NEB: variants seen among roughly 807,000 people sequenced by gnomAD.
NEB encodes the protein nebulin, also known as nemaline myopathy type 2.
A neutral mutation model predicts 952.2 loss-of-function variants in NEB; 512 were observed. The ratio of observed to expected loss-of-function variants is 0.54; its 90% CI spans 0.50 to 0.58. The LOEUF is 0.58. Ranked by LOEUF, NEB falls within the 20% of genes least tolerant of loss-of-function variation. The probability of loss-of-function intolerance (pLI) is 0.00; values close to 1 mark genes in which losing one functional copy is unlikely to be tolerated. For synonymous variants in NEB, 2,900 were observed against 3,149.8 expected, an observed-to-expected ratio of 0.92 and a Z score of 2.66; for missense variants, 8,428 against 9,231.1, an observed-to-expected ratio of 0.91 and a Z score of 3.56.
At chr2:151,681,866 A>G (rs1241812200) in intron 29 of NEB, among the ~76,000 whole-genome samples, 1 of 152,192 alleles carries the variant, frequency 6.6e-6, no homozygotes, top group Non-Finnish European at 1.5e-5. Flanking sequence ...ATAATTCTTC[A>G]AAGACGATTT....
In NEB at chr2:151,516,460, C is replaced by G. The variant is rs3732309; in HGVS notation, c.22904G>C (p.Gly7635Ala). Residue 7635 changes from glycine (G) to alanine (A), a missense_variant and splice_region_variant, in exon 157 of 182, where the codon GGG (glycine) becomes GCG (alanine). Transcript: ENST00000397345. Reference sequence around the variant, plus strand: ...TGTGGTGTGGTTTTTTTGACTTACCCCACTCTGCATCTGCTGAGACTCTTT... The same window carrying G: ...TGTGGTGTGGTTTTTTTGACTTACCGCACTCTGCATCTGCTGAGACTCTTT... ...TAKESQQMQSGKEYRKDYEES... is the reference protein window; with the variant it reads ...TAKESQQMQSAKEYRKDYEES... 6.2e-7 allele frequency: 1 copy of G among 1,605,128 alleles called. No individual in the cohort carries two copies. Among genetic ancestry groups the G allele is most frequent in the Non-Finnish European group, 8.5e-7 (1 of 1,172,620 alleles).
chr2:151,733,249 T>C, intron 2 of NEB, 64 bp from the exon 3 acceptor site: 1 of 1,142,462 alleles, frequency 8.8e-7, no homozygotes. Context: ...AATTATCTTA[T>C]GACATTATAA....
At chr2:151,705,776 T>C (rs1344346976) in intron 13 of NEB, among the ~76,000 whole-genome samples, 1 of 152,170 alleles carries the variant, frequency 6.6e-6, no homozygotes, top group Non-Finnish European at 1.5e-5. Flanking sequence ...TCAAAGCAAC[T>C]TGAATGGAGC....
chr2:151,562,115 T>C lies in NEB; in HGVS notation c.18991A>G (p.Ser6331Gly). The stretch of plus-strand genomic sequence containing the variant: ...CTTCTAGGAAGGTGGCTCACCTGAC[T>C]CTGAAGGTCGTATGATTTCTTGGCA... ...LHAKKSYDLQ[S>G]QLQYTAAGKE... The change falls in exon 121 of 182, where the codon AGT becomes GGT. Residue 6331 changes from serine (S) to glycine (G), a missense_variant. By Grantham distance (56) the Ser-to-Gly change is moderately conservative. This residue lies in a region of NEB where 3,374 missense variants were observed against 3,651.5 expected (regional missense o/e 0.92). Transcript: ENST00000397345. 1 of 1,613,262 alleles carries C rather than the reference T, an allele frequency of 6.2e-7. No homozygotes were observed. Among genetic ancestry groups the C allele is most frequent in the Non-Finnish European group, 8.5e-7 (1 of 1,179,326 alleles).
intron 71 of NEB, among the ~76,000 whole-genome samples, chr2:151,622,897 T>C (rs1447617029): frequency 6.6e-6 from 1 of 152,236 alleles, no homozygotes; most frequent in Non-Finnish European, 1.5e-5. Flanking sequence ...TTTAGTTCTC[T>C]AGTTTATTTC....
Position 151,678,039 on chromosome 2 carries a change from G to A in NEB, c.3404C>T (p.Ser1135Phe), listed in dbSNP as rs2099385888. 6 of 1,613,758 alleles carry A rather than the reference G, an allele frequency of 3.7e-6. No individual in the cohort carries two copies. The highest frequency in any genetic ancestry group is 5.1e-6 in the Non-Finnish European group (6 of 1,179,852). Residue 1135 changes from serine to phenylalanine, a missense_variant, in exon 33 of 182, where the codon TCC becomes TTC. Physicochemically the swap from Ser to Phe is radical, Grantham distance 155. Transcript: ENST00000397345. ...EYKKDYEKTK[S>F]KYNTPHDMFN... ...CATATCATGGGGCGTGTTGTATTTGGACTTTGTCTTCTCATAGTCTTTTTT... is the reference window on the plus strand; with the variant it reads ...CATATCATGGGGCGTGTTGTATTTGAACTTTGTCTTCTCATAGTCTTTTTT...
intron 49 of NEB, 64 bp downstream of exon 49, chr2:151,656,089 C>T (rs2099083147): frequency 3.8e-6 from 6 of 1,584,374 alleles, no homozygotes; most frequent in Non-Finnish European, 5.2e-6. Context: ...GGCATGTAAA[C>T]AGACTGTGAT....
At position 151,496,307 on chromosome 2, in the gene NEB, C is replaced by G. The variant is rs773623758; in HGVS notation, c.24455G>C (p.Arg8152Pro). The change falls in exon 173 of 182, where the codon CGA becomes CCA. Residue 8152 changes from arginine to proline, a missense_variant. Arg to Pro is a moderately radical substitution (Grantham distance 103, BLOSUM62 -2). This residue lies in a region of NEB where 3,374 missense variants were observed against 3,651.5 expected (regional missense o/e 0.92). Transcript: ENST00000397345. ...TPLAVTPEME[R>P]VKHNQENISS... The stretch of plus-strand genomic sequence containing the variant: ...AATATTTTCTTGATTGTGTTTGACT[C>G]GCTCCATCTCGGGAGTGACAGCTAA... The G allele has an allele frequency of 1.2e-6, 2 of 1,611,542 alleles. No individual in the cohort carries two copies. The highest frequency in any genetic ancestry group is 1.7e-6 in the Non-Finnish European group (2 of 1,178,642).
At chr2:151,625,712 T>C (rs975086251) in intron 70 of NEB, 74 bp from the exon 71 acceptor site, 17 of 987,236 alleles carry the variant, frequency 1.7e-5, no homozygotes, top group African/African-American at 3.2e-5. Context: ...TAAGACACCA[T>C]GACAAAGTTG....
intron 153 of NEB, among the ~76,000 whole-genome samples, chr2:151,521,715 A>G (rs2082115616): frequency 6.6e-6 from 1 of 152,212 alleles, no homozygotes; most frequent in Non-Finnish European, 1.5e-5. Flanking sequence ...ATTCCACTTC[A>G]GTTTCTTTTT....
rs2098616232 is a variant in NEB, at chr2:151,629,629, G to A, written c.9741C>T (p.Ala3247=). The A allele has an allele frequency of 1.2e-6, 2 of 1,613,320 alleles. No homozygotes were observed. Among genetic ancestry groups the A allele is most frequent in the African/African-American group, 2.7e-5 (2 of 74,830 alleles). Residue 3247 remains alanine (A), a synonymous_variant, in exon 68 of 182, where the codon GCC becomes GCT. Coordinates refer to ENST00000397345, the MANE Select transcript of NEB (RefSeq NM_001164508.2). ...AGCCTTTCTTTTTTGCTTCTTCATT[G>A]GCAAGTTTGTATAGAGTCTATGAAA... The part of the protein sequence containing the change: ...INYSETLYKL[A]NEEAKKKGYD...
chr2:151,498,657 A>G (rs539319198), intron 169 of NEB, among the ~76,000 whole-genome samples: 1 of 152,324 alleles, frequency 6.6e-6, no homozygotes, highest in African/African-American at 2.4e-5. Context: ...CCTTGTTACA[A>G]GGAGGGAAAA....
At chr2:151,669,183 T>C in intron 38 of NEB, 52 bp from the exon 39 acceptor site, 1 of 1,287,700 alleles carries the variant, frequency 7.8e-7, no homozygotes, top group Non-Finnish European at 1.1e-6. Context: ...ATAATATAAA[T>C]TTCATCAAGC....
rs201219620 is a variant in NEB at position 151,567,133 on chromosome 2, C to T, written c.18156+35G>A. The T allele has an allele frequency of 6.9e-5, 103 of 1,499,932 alleles. No individual in the cohort carries two copies. In the African/African-American group the frequency reaches 1.0e-3, roughly 15 times the overall value. The allele number at this position is 1,499,932 out of a possible 1,614,324, so 92.9% of individuals were successfully genotyped here. A position where few individuals can be genotyped will look rare whatever the true frequency, so the allele number is the denominator to read the frequency against. On this transcript the variant is annotated intron_variant, in intron 114 of 181. Coordinates refer to ENST00000397345, the MANE Select transcript of NEB (RefSeq NM_001164508.2). ...CTCATCATTCTCAGAGTGTACCATGCGTTTCTAGATAATGAAGAAACAAAA... is the reference window on the plus strand; with the variant it reads ...CTCATCATTCTCAGAGTGTACCATGTGTTTCTAGATAATGAAGAAACAAAA...
chr2:151,617,307 A>C (rs1229227356), intron 75 of NEB, 57 bp downstream of exon 75: 13 of 1,200,510 alleles, frequency 1.1e-5, no homozygotes, highest in Admixed American at 4.1e-5. Flanking sequence ...CTAAGGAAAC[A>C]GCTACAGTGG....
At position 151,497,851 on chromosome 2, in the gene NEB, C is replaced by G. The variant is rs1465063259; in HGVS notation, c.24208-133G>C. 2.6e-6 allele frequency: 4 copies of G among 1,515,782 alleles called. No individual in the cohort carries two copies. In the African/African-American group the frequency reaches 5.6e-5, roughly 21 times the overall value. 93.9% of individuals were successfully genotyped at this position (1,515,782 alleles called of 1,614,324 possible). A position where few individuals can be genotyped will look rare whatever the true frequency, so the allele number is the denominator to read the frequency against. On this transcript the variant is annotated intron_variant, in intron 170 of 181. Transcript: ENST00000397345. ...TATGCTGACAAAATGCCACCGACTA[C>G]TTTAGTGGAAGCTGTTGTTGGGATA...
At chr2:151,666,047 C>A in intron 41 of NEB, 43 bp downstream of exon 41, 1 of 1,550,628 alleles carries the variant, frequency 6.4e-7, no homozygotes, top group African/African-American at 1.4e-5. Flanking sequence ...TTTTTTCCTC[C>A]CACCCATTAG....
At position 151,655,373 on chromosome 2, in the gene NEB, T is replaced by G. The variant is rs372800812; in HGVS notation, c.6704A>C (p.His2235Pro). Residue 2235 changes from histidine (H) to proline (P), a missense_variant and splice_region_variant, in exon 51 of 182, where the codon CAT (histidine) becomes CCT (proline). Transcript: ENST00000397345. The stretch of plus-strand genomic sequence containing the variant: ...TTTATTCCAATCAATGGTGTATAAA[T>G]GCTAGGAAGTGGGAAAAAAAGACAT... Reference protein sequence around the residue: ...AKQNAHTMNKHLYTIDWNKDK... With the variant: ...AKQNAHTMNKPLYTIDWNKDK... The G allele has an allele frequency of 5.5e-5, 84 of 1,529,872 alleles. No homozygotes were observed. In the African/African-American group the frequency reaches 8.9e-4, roughly 16 times the overall value. The allele number at this position is 1,529,872 out of a possible 1,614,324, so 94.8% of individuals were successfully genotyped here.
chr2:151,704,753 A>G (rs2099697805), intron 13 of NEB, among the ~76,000 whole-genome samples: 2 of 151,974 alleles, frequency 1.3e-5, no homozygotes, highest in Non-Finnish European at 2.9e-5. Flanking sequence ...ACCTGCGCCC[A>G]CTGTCTGGCA....
Sources: allele counts gnomAD v4.1 joint callset (sites outside exome capture counted in the v4.1 genomes callset), GRCh38; gene constraint gnomAD v4.1.1; regional missense constraint gnomAD v4.1.1; transcripts MANE v1.5; gene names NCBI Gene and HGNC (gene_info 2026-07-23, HGNC 2026-07-21).